The following TBC1D5 variants were observed in gnomAD, a reference collection of about 807,000 sequenced individuals.
TBC1D5 encodes TBC1 domain family member 5, also known as TBC1 domain family, member 5.
In TBC1D5, 75 loss-of-function variants were observed where a neutral mutation model predicts 100.3. That is an observed-to-expected ratio of 0.75 (90% CI 0.62 to 0.91). TBC1D5 has a LOEUF of 0.91. TBC1D5 is among the 40% of genes least tolerant of loss of function. The pLI, the probability that TBC1D5 is intolerant of heterozygous loss-of-function variation, is 0.00. For missense variants in TBC1D5, 910 were observed against 942.4 expected (o/e 0.97, Z 0.45); for synonymous variants, 323 against 325.6 (o/e 0.99, Z 0.09).
chr3:17,276,470 C>A (rs1261900505), intron 15 of TBC1D5, among the ~76,000 whole-genome samples: 2 of 152,186 alleles, frequency 1.3e-5, no homozygotes, highest in Non-Finnish European at 2.9e-5. Flanking sequence ...GGCCCCACTG[C>A]AGACTGAGAA....
In TBC1D5 at chr3:17,272,715, A is replaced by T. The variant is rs59481208; in HGVS notation, c.1246-14124T>A. On this transcript the variant is annotated intron_variant, in intron 15 of 21. Transcript: ENST00000253692. The stretch of plus-strand genomic sequence containing the variant: ...ACTTCTTCTGGCTAAACATACCATA[A>T]GGGTTCATGAAAATATGAAGAACAT... 9.9e-3 allele frequency among the ~76,000 whole-genome samples: 1,506 copies of T among 152,302 alleles called. 20 individuals carry two copies. The highest frequency in any genetic ancestry group is 0.032 in the African/African-American group (1,331 of 41,562).
chr3:17,320,082 T>C (rs867462267), intron 13 of TBC1D5, among the ~76,000 whole-genome samples: 12 of 152,246 alleles, frequency 7.9e-5, no homozygotes, highest in African/African-American at 2.9e-4. Flanking sequence ...TTATATGTGA[T>C]GCTGCATTGA....
Position 17,546,961 on chromosome 3 carries a change from G to A in TBC1D5, c.-35-38356C>T, listed in dbSNP as rs957066652. On this transcript the variant is annotated intron_variant, in intron 2 of 21. Coordinates refer to ENST00000253692, the Ensembl canonical transcript of TBC1D5. ...GTCACAATTTTGGTTAGGTCCCAGA[G>A]AGAACATCTCTTATTAGTCCTACAA... 3 of 152,110 alleles carry A rather than the reference G, an allele frequency of 2.0e-5. No individual in the cohort carries two copies. The South Asian group carries it at 6.2e-4, about 32-fold the overall frequency. 9.4% of individuals were successfully genotyped at this position (152,110 alleles called of 1,614,324 possible). A position where few individuals can be genotyped will look rare whatever the true frequency, so the allele number is the denominator to read the frequency against.
intron 13 of TBC1D5, among the ~76,000 whole-genome samples, chr3:17,331,249 A>C (rs904098512): frequency 6.6e-6 from 1 of 152,078 alleles, no homozygotes; most frequent in Non-Finnish European, 1.5e-5. Context: ...TCCCAACTCC[A>C]GCCCCTCTAA....
At chr3:17,200,259 C>T (rs894559670) in intron 18 of TBC1D5, among the ~76,000 whole-genome samples, 2 of 152,172 alleles carry the variant, frequency 1.3e-5, no homozygotes, top group Non-Finnish European at 2.9e-5. Context: ...TAGAACTGTA[C>T]ATAAACACTG....
Position 17,416,891 on chromosome 3 carries a change from C to T in TBC1D5, c.168-10365G>A, listed in dbSNP as rs998699262. Among the ~76,000 whole-genome samples the T allele has an allele frequency of 5.9e-5, 9 of 152,178 alleles. No individual in the cohort carries two copies. In the East Asian group the frequency reaches 7.7e-4, roughly 13 times the overall value. Reference sequence around the variant, plus strand: ...CTAGACCCAAGATTTGGATCACGAACGTAATATAATCATATTCAGTAACAG... The same window carrying T: ...CTAGACCCAAGATTTGGATCACGAATGTAATATAATCATATTCAGTAACAG... On this transcript the variant is annotated intron_variant, in intron 4 of 21. Transcript: ENST00000253692.
chr3:17,638,997 C>T (rs1267742332), intron 1 of TBC1D5, among the ~76,000 whole-genome samples: 1 of 152,056 alleles, frequency 6.6e-6, no homozygotes, highest in Admixed American at 6.5e-5. Context: ...ATATGACATA[C>T]CAATCCCACT....
At position 17,258,592 on chromosome 3, in the gene TBC1D5, C is replaced by T; in HGVS notation, c.1246-1G>A. 1 of 1,608,140 alleles carries T rather than the reference C, an allele frequency of 6.2e-7. No individual in the cohort carries two copies. Among genetic ancestry groups the T allele is most frequent in the Non-Finnish European group, 8.5e-7 (1 of 1,176,906 alleles). ...GATAAGTCACTGGTCTTGGATTTCTCTAAAAAAAAATACATTTTTAAAAAG... is the reference window on the plus strand; with the variant it reads ...GATAAGTCACTGGTCTTGGATTTCTTTAAAAAAAAATACATTTTTAAAAAG... On this transcript the variant is annotated splice_acceptor_variant, in intron 15 of 21. Transcript: ENST00000253692. LOFTEE classifies it high-confidence loss of function.
At chr3:17,305,763 CTATCA>C (rs2083334784) in intron 14 of TBC1D5, among the ~76,000 whole-genome samples, 1 of 152,164 alleles carries the variant, frequency 6.6e-6, no homozygotes, top group South Asian at 2.1e-4. Flanking sequence ...TCTCCCTCTC[CTATCA>C]TATTTAATCA....
intron 2 of TBC1D5, among the ~76,000 whole-genome samples, chr3:17,523,803 G>C: frequency 6.6e-6 from 1 of 152,148 alleles, no homozygotes; most frequent in East Asian, 1.9e-4. Flanking sequence ...GACAAGATTG[G>C]TGCACAGAGT....
intron 3 of TBC1D5, among the ~76,000 whole-genome samples, chr3:17,493,704 A>G (rs1377867380): frequency 6.6e-6 from 1 of 151,912 alleles, no homozygotes; most frequent in Non-Finnish European, 1.5e-5. Context: ...CCTTTCTTCC[A>G]CTTGGTGGAT....
At chr3:17,661,312 G>T (rs550333820) in intron 1 of TBC1D5, among the ~76,000 whole-genome samples, 1 of 152,016 alleles carries the variant, frequency 6.6e-6, no homozygotes, top group African/African-American at 2.4e-5. Flanking sequence ...CAGAATCTTC[G>T]AAGTATATAC....
intron 13 of TBC1D5, among the ~76,000 whole-genome samples, chr3:17,363,615 T>C (rs1475100112): frequency 6.6e-6 from 1 of 151,604 alleles, no homozygotes; most frequent in African/African-American, 2.4e-5. Flanking sequence ...CTCACTACCT[T>C]GCCCCCAGCC....
At position 17,309,979 on chromosome 3, in the gene TBC1D5, A is replaced by G. The variant is rs199893799; in HGVS notation, c.996-1845T>C. ...TAGATGAAGGTTAATACACAACTAC[A>G]GTTAGGAATACAATCTTCCCCCTCT... On this transcript the variant is annotated intron_variant, in intron 13 of 21. Coordinates refer to ENST00000253692, the Ensembl canonical transcript of TBC1D5. 4.6e-5 allele frequency among the ~76,000 whole-genome samples: 7 copies of G among 152,232 alleles called. No individual in the cohort carries two copies. The East Asian group carries it at 1.4e-3, about 29-fold the overall frequency.
intron 4 of TBC1D5, among the ~76,000 whole-genome samples, chr3:17,412,770 T>C (rs753722102): frequency 2.6e-5 from 4 of 151,886 alleles, no homozygotes; most frequent in South Asian, 2.1e-4. Flanking sequence ...TTCAGAAAAA[T>C]TGAATAACTT....
chr3:17,420,943 T>G (rs1378607387), intron 4 of TBC1D5, among the ~76,000 whole-genome samples: 20 of 152,140 alleles, frequency 1.3e-4, no homozygotes, highest in Admixed American at 1.2e-3. Context: ...AAATTTCCCC[T>G]AAAGCCTGGC....
intron 1 of TBC1D5, among the ~76,000 whole-genome samples, chr3:17,704,674 A>G (rs1577645519): frequency 1.7e-5 from 1 of 58,364 alleles, no homozygotes; most frequent in African/African-American, 5.8e-5. Flanking sequence ...TCCCTCCCGG[A>G]CGGGGCGGCT....
At chr3:17,286,443 A>C (rs1405711562) in intron 15 of TBC1D5, among the ~76,000 whole-genome samples, 1 of 152,224 alleles carries the variant, frequency 6.6e-6, no homozygotes, top group Non-Finnish European at 1.5e-5. Context: ...TAATCACTTC[A>C]TATTTTTCAG....
rs1350086725 is a variant in TBC1D5 at position 17,235,492 on chromosome 3, T to C, written c.1588+2671A>G. On this transcript the variant is annotated intron_variant, in intron 17 of 21. Coordinates refer to ENST00000253692, the Ensembl canonical transcript of TBC1D5. Reference sequence around the variant, plus strand: ...CACAAGCCTCCTGACAGGCTGAATATTGTGTTCACTGATCTATGGGACCAG... The same window carrying C: ...CACAAGCCTCCTGACAGGCTGAATACTGTGTTCACTGATCTATGGGACCAG... 3.3e-5 allele frequency among the ~76,000 whole-genome samples: 5 copies of C among 152,316 alleles called. No individual in the cohort carries two copies. In the East Asian group the frequency reaches 7.7e-4, roughly 23 times the overall value.
Sources: gnomAD v4.1 joint callset for allele counts (sites outside exome capture counted in the v4.1 genomes callset) on GRCh38, gnomAD v4.1.1 for gene constraint, MANE v1.5 for transcripts, NCBI Gene and HGNC (gene_info 2026-07-23, HGNC 2026-07-21) for gene names.